Variants in BLTP1 observed in about 807,000 individuals in gnomAD.
BLTP1 encodes the protein bridge-like lipid transfer protein family member 1, also known as fragile site-associated protein.
the BLTP1 span, chr4:122,347,248 T>C: frequency 1.0e-6 from 1 of 983,228 alleles, no homozygotes; most frequent in Non-Finnish European, 1.2e-6. Flanking sequence ...CTAGAGTCAG[T>C]TACATAGAGG....
At chr4:122,166,033 C>G in the BLTP1 span, among the ~76,000 whole-genome samples, 4 of 152,084 alleles carry the variant, frequency 2.6e-5, no homozygotes, top group Admixed American at 2.6e-4. Context: ...TGCCTGTTCA[C>G]TCTAATGGTA....
chr4:122,190,380 GC>G, the BLTP1 span: 1 of 959,382 alleles, frequency 1.0e-6, no homozygotes, highest in Non-Finnish European at 1.2e-6. Flanking sequence ...GTAGTCATGA[GC>G]CCATGGTGCC....
the BLTP1 span, chr4:122,220,311 G>A: frequency 3.1e-6 from 5 of 1,610,090 alleles, no homozygotes; most frequent in Admixed American, 8.4e-5. Context: ...CATTTCAACT[G>A]TGCTATTTCA....
chr4:122,315,811 G>T, the BLTP1 span: 1 of 816,234 alleles, frequency 1.2e-6, no homozygotes, highest in Non-Finnish European at 2.0e-6. Flanking sequence ...AGGGAATGGT[G>T]GTTCACTGTG....
the BLTP1 span, chr4:122,187,229 A>G: frequency 5.1e-3 from 4,945 of 977,304 alleles, 11 homozygotes; most frequent in Admixed American, 6.5e-3. Flanking sequence ...CTAAAAGTTG[A>G]TATGATAAGA....
the BLTP1 span, among the ~76,000 whole-genome samples, chr4:122,290,502 T>C: frequency 1.3e-5 from 2 of 151,648 alleles, no homozygotes; most frequent in East Asian, 3.9e-4. Context: ...ACTGAAAAAA[T>C]ATAAGCCAGG....
chr4:122,191,469 A>G, the BLTP1 span, among the ~76,000 whole-genome samples: 1 of 152,168 alleles, frequency 6.6e-6, no homozygotes, highest in South Asian at 2.1e-4. Context: ...ATGTTTAATA[A>G]TGGAATTGGT....
At chr4:122,308,797 T>A in the BLTP1 span, among the ~76,000 whole-genome samples, 1 of 152,248 alleles carries the variant, frequency 6.6e-6, no homozygotes, top group Non-Finnish European at 1.5e-5. Context: ...CTGTTACAAT[T>A]TACCTTAATA....
chr4:122,296,180 C>T, the BLTP1 span, among the ~76,000 whole-genome samples: 2 of 152,168 alleles, frequency 1.3e-5, no homozygotes, highest in Non-Finnish European at 2.9e-5. Context: ...TGGAAAACCC[C>T]ATCATCTCAG....
the BLTP1 span, among the ~76,000 whole-genome samples, chr4:122,357,864 T>C: frequency 6.6e-6 from 1 of 152,214 alleles, no homozygotes; most frequent in South Asian, 2.1e-4. Context: ...GTCTTGACTT[T>C]TAAAAATAAA....
chr4:122,348,548 T>C, the BLTP1 span: 2 of 1,571,800 alleles, frequency 1.3e-6, no homozygotes, highest in Non-Finnish European at 1.7e-6. Flanking sequence ...GAACATGTAT[T>C]TGATTTTTCT....
chr4:122,347,795 T>A, the BLTP1 span: 1 of 1,584,850 alleles, frequency 6.3e-7, no homozygotes. Context: ...ACTGCTCTTT[T>A]TGTTATCAGT....
the BLTP1 span, among the ~76,000 whole-genome samples, chr4:122,300,402 C>G: frequency 6.6e-6 from 1 of 152,120 alleles, no homozygotes; most frequent in Non-Finnish European, 1.5e-5. Flanking sequence ...TTCTTTCATT[C>G]CCTTTCTGGT....
the BLTP1 span, chr4:122,215,486 T>C: frequency 1.0e-6 from 1 of 985,194 alleles, no homozygotes; most frequent in Non-Finnish European, 1.2e-6. Flanking sequence ...ATCAGCTGTT[T>C]GGGGAGAAGG....
At chr4:122,272,067 T>C in the BLTP1 span, 109 of 1,445,556 alleles carry the variant, frequency 7.5e-5, no homozygotes, top group Non-Finnish European at 8.4e-5. Flanking sequence ...TGGTTGGGAA[T>C]GTGAAGGAAA....
At chr4:122,270,105 A>G in the BLTP1 span, among the ~76,000 whole-genome samples, 2 of 152,060 alleles carry the variant, frequency 1.3e-5, no homozygotes, top group Middle Eastern at 3.2e-3. Flanking sequence ...CCATATGCTT[A>G]GTTGGCATTG....
chr4:122,166,832 A>G, the BLTP1 span, among the ~76,000 whole-genome samples: 1 of 152,142 alleles, frequency 6.6e-6, no homozygotes, highest in Non-Finnish European at 1.5e-5. Context: ...TTCTCTTTGA[A>G]GCAATTGTGA....
At chr4:122,308,948 A>G in the BLTP1 span, among the ~76,000 whole-genome samples, 3 of 152,224 alleles carry the variant, frequency 2.0e-5, no homozygotes, top group Middle Eastern at 3.4e-3. Context: ...TTTTAATAGC[A>G]TAATGGGCAC....
At chr4:122,263,341 C>G in the BLTP1 span, 2 of 1,429,182 alleles carry the variant, frequency 1.4e-6, no homozygotes, top group Non-Finnish European at 1.8e-6. Context: ...CATCTGCAAA[C>G]ATACATTTTA....
Sources: allele counts gnomAD v4.1 joint callset (sites outside exome capture counted in the v4.1 genomes callset), GRCh38; gene constraint gnomAD v4.1.1; transcripts MANE v1.5; gene names NCBI Gene and HGNC (gene_info 2026-07-23, HGNC 2026-07-21).